The following SLC2A14 variants were observed in gnomAD, a reference collection of about 807,000 sequenced individuals.
SLC2A14 encodes the protein solute carrier family 2 member 14.
In SLC2A14, 13 loss-of-function variants were observed where a neutral mutation model predicts 43.0. That is an observed-to-expected ratio of 0.30 (90% CI 0.20 to 0.48). The LOEUF is 0.48. Among genes scored for constraint, SLC2A14 ranks in the 20% least tolerant of loss-of-function variants. The pLI, the probability that SLC2A14 is intolerant of heterozygous loss-of-function variation, is 0.99. For synonymous variants in SLC2A14, 190 were observed against 233.8 expected, an observed-to-expected ratio of 0.81 and a Z score of 1.71; for missense variants, 428 against 620.4, an observed-to-expected ratio of 0.69 and a Z score of 3.29.
At chr12:7,838,164 T>C (rs1242445828) in intron 2 of SLC2A14, among the ~76,000 whole-genome samples, 1 of 151,910 alleles carries the variant, frequency 6.6e-6, no homozygotes, top group African/African-American at 2.4e-5. Context: ...CTTGGCTTAC[T>C]GCAACCTCCA....
At chr12:7,870,943 C>T in intron 1 of SLC2A14, 1 of 1,429,020 alleles carries the variant, frequency 7.0e-7, no homozygotes, top group Non-Finnish European at 9.4e-7. Context: ...TCGACCAGTT[C>T]CACATCCAGG....
At chr12:7,873,317 G>A (rs989750019), upstream of SLC2A14, 18 of 985,252 alleles carry the variant, frequency 1.8e-5, no homozygotes, top group Admixed American at 9.2e-4. Flanking sequence ...GGGCCGGCTG[G>A]GCTGGGAAGG....
chr12:7,835,133 G>A (rs1865341067), intron 2 of SLC2A14, among the ~76,000 whole-genome samples: 1 of 150,436 alleles, frequency 6.6e-6, no homozygotes, highest in African/African-American at 2.4e-5. Context: ...TGTGAGGTGC[G>A]ATGGGTAAAT....
At chr12:7,858,598 C>G (rs745368849) in intron 2 of SLC2A14, among the ~76,000 whole-genome samples, 51 of 152,272 alleles carry the variant, frequency 3.3e-4, no homozygotes, top group African/African-American at 1.2e-3. Context: ...CTCCCGGGTT[C>G]AAGCGATTCT....
chr12:7,831,628 C>G lies in SLC2A14; in HGVS notation c.248G>C (p.Gly83Ala). 6.2e-7 allele frequency: 1 copy of G among 1,614,160 alleles called. No homozygotes were observed. Among genetic ancestry groups the G allele is most frequent in the Non-Finnish European group, 8.5e-7 (1 of 1,180,040 alleles). ...VGGMIGSFSV[G>A]LFVNRFGRRN... Reference sequence around the variant, plus strand: ...CCTGCCAAAGCGGTTAACAAAGAGTCCGACGGAAAAGGAGCCGATCATACC... The same window carrying G: ...CCTGCCAAAGCGGTTAACAAAGAGTGCGACGGAAAAGGAGCCGATCATACC... The change falls in exon 4 of 11, where the codon GGA (glycine) becomes GCA (alanine). Residue 83 changes from glycine to alanine, a missense_variant. Around this residue, in one of 4 missense-constraint regions of SLC2A14, gnomAD observed 122 missense variants for 128.8 expected, o/e 0.95. Transcript: ENST00000431042.
intron 1 of SLC2A14, among the ~76,000 whole-genome samples, chr12:7,878,492 C>T (rs1945503211): frequency 6.6e-6 from 1 of 151,484 alleles, no homozygotes; most frequent in Non-Finnish European, 1.5e-5. Flanking sequence ...CTCCTAACGT[C>T]AAGAGATCTA....
At chr12:7,843,332 A>C (rs1305399343) in intron 2 of SLC2A14, among the ~76,000 whole-genome samples, 1 of 148,702 alleles carries the variant, frequency 6.7e-6, no homozygotes, top group Non-Finnish European at 1.5e-5. Context: ...AATGAGTGGG[A>C]ATGTCACAGG....
At chr12:7,876,807 T>A (rs906921748), upstream of SLC2A14, among the ~76,000 whole-genome samples, 6 of 151,778 alleles carry the variant, frequency 4.0e-5, no homozygotes, top group Admixed American at 1.3e-4. Flanking sequence ...GAAAAAAAAA[T>A]TAGGCGAGTA....
intron 2 of SLC2A14, among the ~76,000 whole-genome samples, chr12:7,868,064 G>A (rs1293650698): frequency 6.6e-6 from 1 of 152,060 alleles, no homozygotes; most frequent in Non-Finnish European, 1.5e-5. Context: ...GAACTCCTTC[G>A]TGAAAATAAG....
chr12:7,862,922 G>T (rs1333875315), intron 2 of SLC2A14, among the ~76,000 whole-genome samples: 5 of 152,042 alleles, frequency 3.3e-5, no homozygotes, highest in African/African-American at 1.2e-4. Context: ...GCACCAATCA[G>T]CCCCCTGACA....
intron 2 of SLC2A14, among the ~76,000 whole-genome samples, chr12:7,844,783 G>A (rs763700227): frequency 3.9e-5 from 6 of 152,166 alleles, no homozygotes; most frequent in East Asian, 3.9e-4. Flanking sequence ...TGATCCACCC[G>A]CCTTGGCCTC....
At chr12:7,873,071 G>A (rs1429330424), upstream of SLC2A14, 2 of 985,328 alleles carry the variant, frequency 2.0e-6, no homozygotes, top group Non-Finnish European at 2.4e-6. Flanking sequence ...GGCCCCTCCC[G>A]GCTTCTCACC....
At chr12:7,869,990 T>C (rs2121058972) in intron 1 of SLC2A14, 53 bp from the exon 2 acceptor site, 1 of 1,182,148 alleles carries the variant, frequency 8.5e-7, no homozygotes, top group South Asian at 1.5e-5. Flanking sequence ...TTAAGCTCCT[T>C]GAGGGAAGAG....
At chr12:7,888,842 G>C (rs1945731530) in intron 1 of SLC2A14, among the ~76,000 whole-genome samples, 1 of 147,712 alleles carries the variant, frequency 6.8e-6, no homozygotes, top group Non-Finnish European at 1.5e-5. Context: ...GGAGAATATA[G>C]ACTAATTAGA....
chr12:7,872,780 G>C, intron 1 of SLC2A14, 27 bp downstream of exon 1: 1 of 985,418 alleles, frequency 1.0e-6, no homozygotes, highest in Non-Finnish European at 1.2e-6. Context: ...GCACCCCCCG[G>C]CCGCAGGGAC....
chr12:7,864,513 T>C (rs1165182102), intron 2 of SLC2A14, among the ~76,000 whole-genome samples: 1 of 151,958 alleles, frequency 6.6e-6, no homozygotes, highest in Admixed American at 6.6e-5. Flanking sequence ...TAATTTTTTG[T>C]ATTTTTAGTA....
At chr12:7,890,663 TTGGCCTTCCAGCC>T (rs1945760653) in intron 1 of SLC2A14, 1 of 167,458 alleles carries the variant, frequency 6.0e-6, no homozygotes, top group Non-Finnish European at 1.3e-5. Flanking sequence ...ACATAGTAAG[TTGGCCTTCCAGCC>T]ACCAACCCCC....
intron 2 of SLC2A14, among the ~76,000 whole-genome samples, chr12:7,868,926 CCT>C (rs1945071390): frequency 6.6e-6 from 1 of 152,034 alleles, no homozygotes; most frequent in Non-Finnish European, 1.5e-5. Context: ...GGGCAGATCA[CCT>C]GAGGTCGGGA....
intron 7 of SLC2A14, among the ~76,000 whole-genome samples, chr12:7,823,107 G>C (rs1377947226): frequency 2.0e-5 from 3 of 152,170 alleles, no homozygotes; most frequent in Admixed American, 6.6e-5. Context: ...TGCTGGCCGA[G>C]CACAGTGGTT....
Sources: allele counts gnomAD v4.1 joint callset (sites outside exome capture counted in the v4.1 genomes callset), GRCh38; gene constraint gnomAD v4.1.1; regional missense constraint gnomAD v4.1.1; transcripts MANE v1.5; gene names NCBI Gene and HGNC (gene_info 2026-07-23, HGNC 2026-07-21).